PCDHA6: variants seen among roughly 807,000 people sequenced by gnomAD.
PCDHA6 encodes protocadherin alpha 6, also known as protocadherin alpha-6.
In PCDHA6, 55 loss-of-function variants were observed where a neutral mutation model predicts 60.3. The ratio of observed to expected loss-of-function variants is 0.91; its 90% confidence interval spans 0.73 to 1.14. The LOEUF is 1.14. Ranked by LOEUF, PCDHA6 falls within the 50% of genes most tolerant of loss-of-function variation. The pLI is 0.00. For missense variants in PCDHA6, 1,327 were observed against 1,256.5 expected (o/e 1.06, Z -0.85); for synonymous variants, 652 against 557.9 (o/e 1.17, Z -2.38).
rs377441374 is a variant in PCDHA6, at chr5:140,884,065, C to T, written c.2394+53580C>T. The T allele has an allele frequency of 3.7e-6, 6 of 1,613,346 alleles. No individual in the cohort carries two copies. The African/African-American group carries it at 5.3e-5, about 14-fold the overall frequency. ...TGGCGAAGGTGCGCGCGGTGGACGC[C>T]GATTCGGGCTACAATGCGTGGCTTT... is the stretch of plus-strand genomic sequence containing the variant. On this transcript the variant is annotated intron_variant, in intron 1 of 3. Transcript: ENST00000529310.
At chr5:140,877,811 GAGA>G in intron 1 of PCDHA6, 1 of 1,610,242 alleles carries the variant, frequency 6.2e-7, no homozygotes, top group African/African-American at 1.3e-5. Flanking sequence ...CAGCTGTCTC[GAGA>G]AGATTGTTTA....
intron 1 of PCDHA6, chr5:140,870,531 G>C (rs1554164370): frequency 6.2e-7 from 1 of 1,614,196 alleles, no homozygotes; most frequent in Admixed American, 1.7e-5. Flanking sequence ...TCTTCACAGT[G>C]TCGGCGCGGG....
chr5:140,945,246 G>A (rs1257337219), intron 1 of PCDHA6, among the ~76,000 whole-genome samples: 1 of 151,864 alleles, frequency 6.6e-6, no homozygotes, highest in African/African-American at 2.4e-5. Context: ...TTAACCAAGA[G>A]GATGAAAGAC....
At chr5:140,996,597 C>G (rs183031992) in intron 3 of PCDHA6, among the ~76,000 whole-genome samples, 47 of 152,304 alleles carry the variant, frequency 3.1e-4, no homozygotes, top group African/African-American at 1.1e-3. Context: ...CGCCTCCCCC[C>G]ATTTTCATTT....
chr5:140,928,824 A>C (rs782336122), intron 1 of PCDHA6: 2 of 1,614,110 alleles, frequency 1.2e-6, no homozygotes, highest in Non-Finnish European at 1.7e-6. Flanking sequence ...ATGGAGACCC[A>C]CCACTTTCCT....
intron 1 of PCDHA6, chr5:140,842,102 G>C (rs1777709784): frequency 1.9e-6 from 3 of 1,613,894 alleles, no homozygotes; most frequent in East Asian, 4.5e-5. Context: ...CGGAACAACA[G>C]TTATCAAACT....
chr5:140,961,400 C>T (rs929653995), intron 1 of PCDHA6, among the ~76,000 whole-genome samples: 10 of 152,186 alleles, frequency 6.6e-5, no homozygotes, highest in African/African-American at 2.4e-4. Context: ...TTAGTAAACA[C>T]TTTTTGGCAT....
chr5:140,933,999 C>T (rs1399268046), intron 1 of PCDHA6, among the ~76,000 whole-genome samples: 2 of 152,050 alleles, frequency 1.3e-5, no homozygotes, highest in South Asian at 2.1e-4. Context: ...TGTCACCTCT[C>T]ATTTTTCTTG....
chr5:140,958,997 A>C (rs1356032687), intron 1 of PCDHA6, among the ~76,000 whole-genome samples: 1 of 152,076 alleles, frequency 6.6e-6, no homozygotes, highest in African/African-American at 2.4e-5. Context: ...CTAATCTTTT[A>C]CTGTACCTAA....
intron 1 of PCDHA6, among the ~76,000 whole-genome samples, chr5:140,958,381 T>G (rs1554223451): frequency 6.6e-6 from 1 of 152,280 alleles, no homozygotes; most frequent in South Asian, 2.1e-4. Context: ...GCTATTTTCT[T>G]AACAGGTCAT....
chr5:140,978,544 A>G (rs2096808919), intron 1 of PCDHA6, among the ~76,000 whole-genome samples: 1 of 152,234 alleles, frequency 6.6e-6, no homozygotes, highest in Non-Finnish European at 1.5e-5. Context: ...TTGTGTAGCC[A>G]TGTGCCCTGT....
At chr5:140,982,439 G>T in intron 2 of PCDHA6, 36 bp from the exon 3 acceptor site, 1 of 1,613,560 alleles carries the variant, frequency 6.2e-7, no homozygotes, top group Non-Finnish European at 8.5e-7. Context: ...AAGAATTTAT[G>T]ATCTAACCGT....
intron 1 of PCDHA6, chr5:140,927,385 C>T (rs781913021): frequency 1.9e-6 from 3 of 1,614,098 alleles, no homozygotes; most frequent in Non-Finnish European, 1.7e-6. Flanking sequence ...CAGCCTAAGC[C>T]CCAGTCAGCA....
intron 3 of PCDHA6, among the ~76,000 whole-genome samples, chr5:140,997,321 T>C (rs964967011): frequency 1.3e-5 from 2 of 152,174 alleles, no homozygotes; most frequent in Non-Finnish European, 2.9e-5. Flanking sequence ...CTTTAGGCAG[T>C]TTTTTCGTTG....
chr5:140,957,138 C>G (rs1554222835), intron 1 of PCDHA6, among the ~76,000 whole-genome samples: 1 of 151,982 alleles, frequency 6.6e-6, no homozygotes, highest in African/African-American at 2.4e-5. Flanking sequence ...ACACTATGAA[C>G]TAAAAATTTT....
chr5:140,952,417 C>T (rs2153696080), intron 1 of PCDHA6, among the ~76,000 whole-genome samples: 1 of 152,190 alleles, frequency 6.6e-6, no homozygotes, highest in Non-Finnish European at 1.5e-5. Flanking sequence ...TAATGTTCCG[C>T]AGATTCCTAC....
intron 1 of PCDHA6, among the ~76,000 whole-genome samples, chr5:140,912,343 AT>A (rs35252606): frequency 0.42 from 59,775 of 143,548 alleles, 12,483 homozygotes; most frequent in African/African-American, 0.57. Context: ...TACACTAAGT[AT>A]TTTTTTTTTT....
chr5:140,878,408 T>G (rs1554170402), intron 1 of PCDHA6, among the ~76,000 whole-genome samples: 2 of 152,244 alleles, frequency 1.3e-5, no homozygotes, highest in Non-Finnish European at 2.9e-5. Context: ...AAATATCTTC[T>G]TTATTTCAAG....
chr5:140,876,180 T>C (rs782772220), intron 1 of PCDHA6: 1 of 1,613,982 alleles, frequency 6.2e-7, no homozygotes, highest in South Asian at 1.1e-5. Context: ...TGGATGTGAA[T>C]GACAATGGTC....
Sources: allele counts gnomAD v4.1 joint callset (sites outside exome capture counted in the v4.1 genomes callset), GRCh38; gene constraint gnomAD v4.1.1; transcripts MANE v1.5; gene names NCBI Gene and HGNC (gene_info 2026-07-23, HGNC 2026-07-21).